NKAIN3: variants seen among roughly 807,000 people sequenced by gnomAD.
NKAIN3 encodes sodium/potassium-transporting ATPase subunit beta-1-interacting protein 3.
Under a neutral mutation model 30.2 loss-of-function variants are expected in NKAIN3, and 25 were observed. The observed-to-expected ratio is 0.83, with a 90% confidence interval of 0.60 to 1.16. NKAIN3 has a LOEUF of 1.16. NKAIN3 is among the 50% of genes most tolerant of loss of function. The pLI is 0.00. For missense variants in NKAIN3, 225 were observed against 254.1 expected (o/e 0.89, Z 0.78); for synonymous variants, 91 against 89.6 (o/e 1.02, Z -0.09).
At chr8:62,669,625 A>T (rs1813238844) in intron 3 of NKAIN3, among the ~76,000 whole-genome samples, 1 of 152,198 alleles carries the variant, frequency 6.6e-6, no homozygotes, top group African/African-American at 2.4e-5. Context: ...CTCATTGCCA[A>T]GTTATGTCAA....
At chr8:62,459,300 G>A (rs1054128736) in intron 1 of NKAIN3, among the ~76,000 whole-genome samples, 12 of 152,172 alleles carry the variant, frequency 7.9e-5, no homozygotes, top group African/African-American at 2.9e-4. Context: ...AACAGGGAGT[G>A]TTCATGATAA....
chr8:62,992,936 G>T (rs1410339748), intron 5 of NKAIN3, among the ~76,000 whole-genome samples: 1 of 151,976 alleles, frequency 6.6e-6, no homozygotes, highest in Non-Finnish European at 1.5e-5. Flanking sequence ...GGTTAATGAG[G>T]GCATAAAACT....
chr8:62,365,661 G>A (rs1816713530), intron 1 of NKAIN3, among the ~76,000 whole-genome samples: 1 of 152,076 alleles, frequency 6.6e-6, no homozygotes, highest in Non-Finnish European at 1.5e-5. Flanking sequence ...CTAAATCATA[G>A]CATTTGTGCA....
intron 3 of NKAIN3, among the ~76,000 whole-genome samples, chr8:62,726,277 T>G (rs1815255520): frequency 6.6e-6 from 1 of 152,084 alleles, no homozygotes; most frequent in Admixed American, 6.5e-5. Flanking sequence ...CACGCATAAC[T>G]TTTTCCTTAC....
rs1272494656 is a variant in NKAIN3, at chr8:62,476,223, C to A, written c.55-103316C>A. Among the ~76,000 whole-genome samples, 5 of 152,096 alleles carry A rather than the reference C, an allele frequency of 3.3e-5. No homozygotes were observed. In the East Asian group the frequency reaches 9.7e-4, roughly 29 times the overall value. On this transcript the variant is annotated intron_variant, in intron 1 of 6. Transcript: ENST00000623646. ...CATATATTTCAAGGGAATGTAGTGA[C>A]TAAAAAATAGATATATAAAAGCACA...
At position 62,975,179 on chromosome 8, in the gene NKAIN3, A is replaced by G. The variant is rs550800135; in HGVS notation, c.*9772A>G. Among the ~76,000 whole-genome samples, 113 of 152,264 alleles carry G rather than the reference A, an allele frequency of 7.4e-4. 1 individual carries two copies. Among genetic ancestry groups the G allele is most frequent in the African/African-American group, 2.6e-3 (110 of 41,556 alleles). On this transcript the variant is annotated 3_prime_UTR_variant, in exon 7 of 7. Coordinates refer to ENST00000623646, the MANE Select transcript of NKAIN3 (RefSeq NM_001304533.3). ...ATCAGAATGATGCTGGCCTCAAAAT[A>G]TGAGTTAGGGAGGAGTCTGTCTTTT...
chr8:62,561,610 T>C (rs1809579955), intron 1 of NKAIN3, among the ~76,000 whole-genome samples: 1 of 152,116 alleles, frequency 6.6e-6, no homozygotes, highest in Non-Finnish European at 1.5e-5. Context: ...TAATCACTAG[T>C]TGTGTTTCTT....
In NKAIN3 at chr8:62,966,179, C is replaced by T. The variant is rs1027439371; in HGVS notation, c.*772C>T. The T allele has an allele frequency of 1.0e-6, 1 of 985,048 alleles. No individual in the cohort carries two copies. Among genetic ancestry groups the T allele is most frequent in the African/African-American group, 1.7e-5 (1 of 57,210 alleles). The allele number at this position is 985,048 out of a possible 1,614,324, so 61.0% of individuals were successfully genotyped here. On this transcript the variant is annotated 3_prime_UTR_variant, in exon 7 of 7. Coordinates refer to ENST00000623646, the MANE Select transcript of NKAIN3 (RefSeq NM_001304533.3). ...GACACTGCTGTCAGACCTAAACATA[C>T]AGCTCATGGGCTTGTGGGACAGAAA...
intron 1 of NKAIN3, among the ~76,000 whole-genome samples, chr8:62,508,083 T>A (rs2129719491): frequency 6.6e-6 from 1 of 152,350 alleles, no homozygotes; most frequent in Non-Finnish European, 1.5e-5. Context: ...GAAATAATTC[T>A]TTATATGTCC....
intron 1 of NKAIN3, among the ~76,000 whole-genome samples, chr8:62,375,177 C>T (rs992179432): frequency 2.6e-5 from 4 of 152,194 alleles, no homozygotes; most frequent in Admixed American, 2.0e-4. Context: ...GGATCATAAG[C>T]ATGCCATTTA....
chr8:62,260,699 G>A (rs1812411439), intron 1 of NKAIN3, among the ~76,000 whole-genome samples: 1 of 152,148 alleles, frequency 6.6e-6, no homozygotes, highest in African/African-American at 2.4e-5. Context: ...ACTGGGGATA[G>A]CTTCCTGGTG....
chr8:62,906,586 T>G (rs1821785641), intron 4 of NKAIN3, among the ~76,000 whole-genome samples: 1 of 152,204 alleles, frequency 6.6e-6, no homozygotes, highest in Admixed American at 6.5e-5. Context: ...GGGAGGGACC[T>G]GATGGGAGAC....
intron 4 of NKAIN3, among the ~76,000 whole-genome samples, chr8:62,879,813 T>C (rs1424186481): frequency 2.0e-5 from 3 of 152,186 alleles, no homozygotes; most frequent in Admixed American, 1.3e-4. Flanking sequence ...AGAGAATGTA[T>C]TGCAGTGTCT....
At chr8:62,589,360 T>A (rs945530516) in intron 2 of NKAIN3, among the ~76,000 whole-genome samples, 2 of 151,792 alleles carry the variant, frequency 1.3e-5, no homozygotes, top group African/African-American at 4.8e-5. Context: ...TACTGTAACT[T>A]AAAGATGATA....
chr8:62,987,150 G>T (rs937227449), downstream of NKAIN3, among the ~76,000 whole-genome samples: 5 of 152,152 alleles, frequency 3.3e-5, no homozygotes, highest in Admixed American at 3.3e-4. Flanking sequence ...ACTTTGGGAG[G>T]CCGAGGTGGC....
intron 4 of NKAIN3, chr8:62,863,737 A>G: frequency 6.3e-7 from 1 of 1,593,930 alleles, no homozygotes; most frequent in Non-Finnish European, 8.6e-7. Context: ...TCATTGCAAC[A>G]AATCTTTTCC....
At chr8:62,313,044 G>A (rs1814499132) in intron 1 of NKAIN3, among the ~76,000 whole-genome samples, 1 of 151,956 alleles carries the variant, frequency 6.6e-6, no homozygotes, top group Admixed American at 6.6e-5. Context: ...AAAAACTCAG[G>A]TGAATAGTGA....
intron 3 of NKAIN3, among the ~76,000 whole-genome samples, chr8:62,603,917 GA>G (rs1811050789): frequency 6.6e-6 from 1 of 152,126 alleles, no homozygotes; most frequent in African/African-American, 2.4e-5. Context: ...TGGAAAGAGA[GA>G]AAGGTTTTGT....
chr8:62,269,306 C>T (rs1054183019), intron 1 of NKAIN3, among the ~76,000 whole-genome samples: 4 of 152,278 alleles, frequency 2.6e-5, no homozygotes, highest in Admixed American at 1.3e-4. Context: ...GCCAAACAAC[C>T]AACTTTCAAA....
Sources: gnomAD v4.1 joint callset for allele counts (sites outside exome capture counted in the v4.1 genomes callset) on GRCh38, gnomAD v4.1.1 for gene constraint, MANE v1.5 for transcripts, NCBI Gene and HGNC (gene_info 2026-07-23, HGNC 2026-07-21) for gene names.